Variants in RAB3C observed in about 807,000 individuals in gnomAD.
RAB3C encodes ras-related protein Rab-3C.
Under a neutral mutation model 26.4 loss-of-function variants are expected in RAB3C, and 17 were observed. That is an observed-to-expected ratio of 0.64 (90% confidence interval 0.44 to 0.97). RAB3C has a LOEUF of 0.97. Among genes scored for constraint, RAB3C ranks in the 50% least tolerant of loss-of-function variants. The pLI is 0.00. For missense variants in RAB3C, 242 were observed against 281.9 expected (o/e 0.86, Z 1.01); for synonymous variants, 91 against 95.9 (o/e 0.95, Z 0.30).
At chr5:58,764,822 A>G (rs1431562004) in intron 3 of RAB3C, among the ~76,000 whole-genome samples, 2 of 152,224 alleles carry the variant, frequency 1.3e-5, no homozygotes, top group Non-Finnish European at 2.9e-5. Flanking sequence ...TTCACGAAGA[A>G]CTGAACTATT....
intron 3 of RAB3C, among the ~76,000 whole-genome samples, chr5:58,770,208 C>G (rs1742003966): frequency 6.6e-6 from 1 of 152,144 alleles, no homozygotes; most frequent in African/African-American, 2.4e-5. Context: ...GTTAGGTATT[C>G]TCTCCTGCTA....
In RAB3C at chr5:58,853,570, AT is replaced by A. The variant is rs547568599; in HGVS notation, c.*2221del. 3.3e-5 allele frequency: 5 copies of A among 152,280 alleles called. No homozygotes were observed. The South Asian group carries it at 1.0e-3, about 32-fold the overall frequency. The allele number at this position is 152,280 out of a possible 1,614,324, so 9.4% of individuals were successfully genotyped here. A position where few individuals can be genotyped will look rare whatever the true frequency, so the allele number is the denominator to read the frequency against. ...TGAAAACCCCTTCCCTGAAGAACTG[AT>A]TGCTGTTGAAGTTAATTGGCCCTTA... On this transcript the variant is annotated 3_prime_UTR_variant, in exon 5 of 5. Coordinates refer to ENST00000282878, the MANE Select transcript of RAB3C (RefSeq NM_138453.4).
chr5:58,845,511 G>T (rs1263548793), intron 4 of RAB3C, among the ~76,000 whole-genome samples: 4 of 150,490 alleles, frequency 2.7e-5, no homozygotes, highest in Non-Finnish European at 5.9e-5. Flanking sequence ...CACCAGAATG[G>T]TTTCCCCAAT....
intron 2 of RAB3C, among the ~76,000 whole-genome samples, chr5:58,711,467 A>G (rs1005857640): frequency 1.6e-4 from 24 of 152,180 alleles, no homozygotes; most frequent in African/African-American, 5.8e-4. Flanking sequence ...GTTAGATGAT[A>G]TTTCTGAAGA....
chr5:58,797,387 A>AT, intron 3 of RAB3C, among the ~76,000 whole-genome samples: 1 of 136,614 alleles, frequency 7.3e-6, no homozygotes, highest in East Asian at 2.1e-4. Context: ...ATATATATAT[A>AT]TATATATATA....
intron 2 of RAB3C, among the ~76,000 whole-genome samples, chr5:58,662,735 C>T (rs1315810273): frequency 6.7e-6 from 1 of 149,996 alleles, no homozygotes. Context: ...CAAGGACAGA[C>T]AAAAAGTAAG....
intron 1 of RAB3C, among the ~76,000 whole-genome samples, chr5:58,605,666 G>A (rs1746545515): frequency 6.6e-6 from 1 of 152,134 alleles, no homozygotes. Flanking sequence ...GGGAGGCCGA[G>A]GCAGGAGGAT....
chr5:58,753,513 C>G (rs1741578949), intron 3 of RAB3C, among the ~76,000 whole-genome samples: 1 of 152,114 alleles, frequency 6.6e-6, no homozygotes. Context: ...CCATAATCTA[C>G]CTCCCTCAAT....
At chr5:58,662,560 TC>T (rs966457555) in intron 2 of RAB3C, among the ~76,000 whole-genome samples, 9 of 150,274 alleles carry the variant, frequency 6.0e-5, no homozygotes, top group Non-Finnish European at 1.2e-4. Context: ...AGACCATTTA[TC>T]AGCTAAGAAA....
At chr5:58,745,177 C>CACA (rs1426963175) in intron 3 of RAB3C, among the ~76,000 whole-genome samples, 1 of 151,960 alleles carries the variant, frequency 6.6e-6, no homozygotes. Context: ...ACGGGTGGAT[C>CACA]ACAAGGTCAG....
At chr5:58,833,476 T>A (rs1016900795) in intron 4 of RAB3C, among the ~76,000 whole-genome samples, 1 of 152,146 alleles carries the variant, frequency 6.6e-6, no homozygotes, top group African/African-American at 2.4e-5. Context: ...GCCCTCACCA[T>A]GTCTCACCCA....
chr5:58,607,653 C>G (rs533646900), intron 1 of RAB3C, among the ~76,000 whole-genome samples: 1 of 152,286 alleles, frequency 6.6e-6, no homozygotes, highest in African/African-American at 2.4e-5. Context: ...GTGTTAAGGG[C>G]AGCCAGAGAG....
chr5:58,819,202 C>A (rs1743284137), intron 3 of RAB3C, among the ~76,000 whole-genome samples: 1 of 152,074 alleles, frequency 6.6e-6, no homozygotes, highest in African/African-American at 2.4e-5. Flanking sequence ...CTACAACAGC[C>A]CCAGAGCATG....
chr5:58,620,482 CGTT>C (rs1358111949), intron 2 of RAB3C, among the ~76,000 whole-genome samples: 5 of 152,106 alleles, frequency 3.3e-5, no homozygotes, highest in Admixed American at 6.5e-5. Flanking sequence ...AATTAACACT[CGTT>C]GGATAATTAT....
intron 1 of RAB3C, among the ~76,000 whole-genome samples, chr5:58,608,248 C>A (rs1365854683): frequency 6.6e-6 from 1 of 151,762 alleles, no homozygotes; most frequent in Non-Finnish European, 1.5e-5. Context: ...ATCTACCAAG[C>A]AAATGGAAAG....
chr5:58,637,663 A>G (rs574028082), intron 2 of RAB3C, among the ~76,000 whole-genome samples: 35 of 152,290 alleles, frequency 2.3e-4, no homozygotes, highest in Admixed American at 3.9e-4. Flanking sequence ...TAACTTTAAT[A>G]CTGAAGTAGA....
intron 3 of RAB3C, among the ~76,000 whole-genome samples, chr5:58,794,121 G>T (rs551492717): frequency 6.6e-6 from 1 of 152,168 alleles, no homozygotes; most frequent in East Asian, 1.9e-4. Context: ...CTTACAGCAG[G>T]TCACTAAAGT....
intron 1 of RAB3C, among the ~76,000 whole-genome samples, chr5:58,602,442 T>G (rs897054627): frequency 6.6e-6 from 1 of 152,338 alleles, no homozygotes; most frequent in Non-Finnish European, 1.5e-5. Context: ...GTGCTGTCAG[T>G]GGAGTATTGA....
intron 3 of RAB3C, among the ~76,000 whole-genome samples, chr5:58,808,021 C>G (rs1339328271): frequency 6.6e-6 from 1 of 151,842 alleles, no homozygotes; most frequent in Admixed American, 6.6e-5. Context: ...GTCAGGAGAT[C>G]GAGACCATCC....
Sources: gnomAD v4.1 joint callset for allele counts (sites outside exome capture counted in the v4.1 genomes callset) on GRCh38, gnomAD v4.1.1 for gene constraint, MANE v1.5 for transcripts, NCBI Gene and HGNC (gene_info 2026-07-23, HGNC 2026-07-21) for gene names.